Variants in SPG7 observed in about 807,000 individuals in gnomAD.
SPG7 encodes the protein mitochondrial inner membrane m-AAA protease component paraplegin.
SPG7 carries 103 observed loss-of-function variants against 81.9 expected under a neutral mutation model. The observed-to-expected ratio is 1.26, with a 90% CI of 1.07 to 1.48. SPG7 has a LOEUF of 1.48. SPG7 is among the 40% of genes most tolerant of loss of function. The probability of loss-of-function intolerance (pLI) is 0.00; values close to 1 mark genes in which losing one functional copy is unlikely to be tolerated. For missense variants in SPG7, 1,241 were observed against 1,087.3 expected (o/e 1.14, Z -1.99); for synonymous variants, 534 against 444.2 (o/e 1.20, Z -2.54).
At position 89,508,986 on chromosome 16, in the gene SPG7, G is replaced by A. The variant is rs370899401; in HGVS notation, c.183+386G>A. 4 of 479,928 alleles carry A rather than the reference G, an allele frequency of 8.3e-6. No homozygotes were observed. In the Admixed American group the frequency reaches 9.3e-5, roughly 11 times the overall value. The allele number at this position is 479,928 out of a possible 1,614,324, so 29.7% of individuals were successfully genotyped here. On this transcript the variant is annotated intron_variant, in intron 1 of 16. Coordinates refer to ENST00000645818, the MANE Select transcript of SPG7 (RefSeq NM_003119.4). ...TCACCAGGAATTCCAGCGCCTTCCA[G>A]TTAGGGTGGTTATTGCCGAGTAGGG...
At chr16:89,532,317 C>T (rs922706334) in intron 8 of SPG7, 146 bp from the exon 9 acceptor site, 9 of 1,089,886 alleles carry the variant, frequency 8.3e-6, no homozygotes, top group African/African-American at 6.3e-5. Flanking sequence ...GGGGCCCCCG[C>T]GAGCAGCTGC....
At chr16:89,549,186 A>G in intron 12 of SPG7, 1 of 456,790 alleles carries the variant, frequency 2.2e-6, no homozygotes. Context: ...TAATAGTAGC[A>G]AAGCAGGAAG....
intron 5 of SPG7, 165 bp from the exon 6 acceptor site, chr16:89,529,312 C>G (rs553339630): frequency 2.0e-5 from 13 of 663,708 alleles, no homozygotes; most frequent in South Asian, 3.3e-5. Flanking sequence ...GAGAATGAGA[C>G]GAGAGAACCC....
chr16:89,513,525 A>AC (rs1319706070), intron 3 of SPG7, among the ~76,000 whole-genome samples: 1 of 152,066 alleles, frequency 6.6e-6, no homozygotes, highest in Non-Finnish European at 1.5e-5. Flanking sequence ...TCAAAAAAAA[A>AC]AAAATTTAAA....
intron 3 of SPG7, chr16:89,519,813 T>C (rs2058161245): frequency 6.6e-6 from 1 of 152,278 alleles, no homozygotes. Flanking sequence ...CGCTCGGGGC[T>C]GCTGTCTTCA....
At chr16:89,525,346 C>T (rs777286416) in intron 4 of SPG7, among the ~76,000 whole-genome samples, 1 of 152,192 alleles carries the variant, frequency 6.6e-6, no homozygotes, top group Non-Finnish European at 1.5e-5. Context: ...TGCTCATTCA[C>T]GTAAATCCTC....
chr16:89,553,001 A>G lies in SPG7; in HGVS notation c.1802A>G (p.Asn601Ser), dbSNP rs766178577. The change falls in exon 14 of 17, where the codon AAC (asparagine) becomes AGC (serine). Residue 601 changes from asparagine to serine, a missense_variant. Transcript: ENST00000645818. The part of the protein sequence containing the change: ...VMKVSITPRT[N>S]AALGFAQMLP... ...CAGGTCTCCATAACCCCTCGGACAA[A>G]CGCCGCCCTGGGCTTTGCTCAGATG... 5 of 1,613,784 alleles carry G rather than the reference A, an allele frequency of 3.1e-6. No homozygotes were observed. The East Asian group carries it at 8.9e-5, about 29-fold the overall frequency.
At chr16:89,526,724 G>A (rs2058265649) in intron 5 of SPG7, 3 of 443,156 alleles carry the variant, frequency 6.8e-6, no homozygotes, top group East Asian at 4.9e-5. Flanking sequence ...TAAGCCCCTG[G>A]TGTAGGATGC....
intron 9 of SPG7, among the ~76,000 whole-genome samples, chr16:89,536,601 AGGTGAGGTG>A (rs1228482793): frequency 8.5e-5 from 5 of 58,916 alleles, no homozygotes; most frequent in African/African-American, 7.7e-5. Context: ...GAGGCAGGTG[AGGTGAGGTG>A]GGTGAGGCGG....
chr16:89,549,347 C>A (rs763475836), intron 12 of SPG7: 1 of 404,944 alleles, frequency 2.5e-6, no homozygotes, highest in Non-Finnish European at 5.0e-6. Context: ...GTAAGCTGAA[C>A]AGGGGAGATT....
chr16:89,556,905 G>A lies in SPG7; in HGVS notation c.2200G>A (p.Glu734Lys). 1 of 1,613,966 alleles carries A rather than the reference G, an allele frequency of 6.2e-7. No homozygotes were observed. The highest frequency in any genetic ancestry group is 8.5e-7 in the Non-Finnish European group (1 of 1,179,952). The change falls in exon 17 of 17, where the codon GAA becomes AAA. Residue 734 changes from glutamate to lysine, a missense_variant. Coordinates refer to ENST00000645818, the MANE Select transcript of SPG7 (RefSeq NM_003119.4). ...TTTCTAGCTGGCAAACGCCCTTCTG[G>A]AAAAGGAAGTGATAAACTATGAGGA... ...KLQALANALL[E>K]KEVINYEDIE...
At chr16:89,540,582 T>A (rs547074853) in intron 9 of SPG7, 2 of 152,462 alleles carry the variant, frequency 1.3e-5, no homozygotes, top group African/African-American at 4.8e-5. Flanking sequence ...CGAGACCCCA[T>A]CTCAAAAACA....
rs199914754 is a variant in SPG7 at position 89,530,826 on chromosome 16, C to T, written c.987+18C>T. On this transcript the variant is annotated intron_variant, in intron 7 of 16. Coordinates refer to ENST00000645818, the MANE Select transcript of SPG7 (RefSeq NM_003119.4). Reference sequence around the variant, plus strand: ...ATCTGAAGGTGAAAGCAGCGTGGGCCGGGAGGGAGGTGTGAGCAGAGGCCG... The same window carrying T: ...ATCTGAAGGTGAAAGCAGCGTGGGCTGGGAGGGAGGTGTGAGCAGAGGCCG... 8.1e-6 allele frequency: 13 copies of T among 1,613,678 alleles called. No individual in the cohort carries two copies. The highest frequency in any genetic ancestry group is 3.3e-5 in the Admixed American group (2 of 59,998).
At chr16:89,545,354 C>T (rs187650714) in intron 10 of SPG7, 83 of 217,080 alleles carry the variant, frequency 3.8e-4, no homozygotes, top group African/African-American at 1.4e-3. Flanking sequence ...GCTCATGGAG[C>T]GGAGGGTTTG....
At chr16:89,543,812 C>G (rs923451316) in intron 9 of SPG7, 1 of 152,156 alleles carries the variant, frequency 6.6e-6, no homozygotes, top group Non-Finnish European at 1.5e-5. Flanking sequence ...CGCCACCACA[C>G]CCGGCTAATT....
chr16:89,554,478 A>G lies in SPG7; in HGVS notation c.2104-8A>G, dbSNP rs2058667336. ...CCTTGCCCCTGACACAGTTCCCTCC[A>G]CTCACAGGAAGCAAGACTGCTGGTG... On this transcript the variant is annotated splice_region_variant and splice_polypyrimidine_tract_variant and intron_variant, in intron 15 of 16. Transcript: ENST00000645818. 6.2e-7 allele frequency: 1 copy of G among 1,602,860 alleles called. No individual in the cohort carries two copies. The highest frequency in any genetic ancestry group is 8.5e-7 in the Non-Finnish European group (1 of 1,175,320).
chr16:89,529,919 A>G, intron 6 of SPG7: 1 of 352,968 alleles, frequency 2.8e-6, no homozygotes, highest in South Asian at 2.4e-5. Context: ...AGCTCACCGC[A>G]ACTTGCACCT....
At chr16:89,518,360 G>C (rs538641195) in intron 3 of SPG7, 5 of 152,338 alleles carry the variant, frequency 3.3e-5, no homozygotes, top group Admixed American at 2.6e-4. Flanking sequence ...GAACCTGGAA[G>C]GAATTATACG....
chr16:89,533,108 A>T (rs2152404165), intron 9 of SPG7: 1 of 180,138 alleles, frequency 5.6e-6, no homozygotes, highest in South Asian at 9.9e-5. Context: ...GCTTTTAATT[A>T]AAAAAAGGTC....
Sources: gnomAD v4.1 joint callset for allele counts (sites outside exome capture counted in the v4.1 genomes callset) on GRCh38, gnomAD v4.1.1 for gene constraint, MANE v1.5 for transcripts, NCBI Gene and HGNC (gene_info 2026-07-23, HGNC 2026-07-21) for gene names.